ENOX2: variants seen among roughly 807,000 people sequenced by gnomAD.
ENOX2 encodes APK1 antigen.
ENOX2 carries 36 observed loss-of-function variants against 45.0 expected under a neutral mutation model. That is an observed-to-expected ratio of 0.80 (90% CI 0.61 to 1.06). ENOX2 has a LOEUF of 1.06. Ranked by LOEUF, ENOX2 falls within the 50% of genes least tolerant of loss-of-function variation. The pLI is 0.00. For missense variants in ENOX2, 423 were observed against 462.5 expected (o/e 0.91, Z 0.78); for synonymous variants, 174 against 152.3 (o/e 1.14, Z -1.05).
chrX:130,787,113 A>G (rs989097535), intron 2 of ENOX2, among the ~76,000 whole-genome samples: 2 of 106,538 alleles, frequency 1.9e-5, no homozygotes, highest in African/African-American at 3.4e-5. Flanking sequence ...GTGTGAGATG[A>G]TATCTCATAG....
chrX:130,779,437 GT>G (rs760349699), intron 3 of ENOX2, among the ~76,000 whole-genome samples: 2 of 111,584 alleles, frequency 1.8e-5, no homozygotes, highest in East Asian at 5.6e-4. Context: ...CTACCTATCA[GT>G]TTCCCTTGGG....
chrX:130,682,490 A>G (rs753984123), intron 5 of ENOX2, among the ~76,000 whole-genome samples: 2 of 104,255 alleles, frequency 1.9e-5, no homozygotes, highest in African/African-American at 7.0e-5. Flanking sequence ...AGGCTGAGGC[A>G]GAAGAATGGC....
rs187035497 is a variant in ENOX2, at chrX:130,859,360, A to T, written c.-183+42324T>A. ...AACAAAAACAAAACAAAACAAAACA[A>T]AAAAACAAAAAAAATCCTAAATGGG... On this transcript the variant is annotated intron_variant, in intron 2 of 14. Coordinates refer to ENST00000394363, the MANE Select transcript of ENOX2 (RefSeq NM_006375.4). Among the ~76,000 whole-genome samples, 55 of 112,410 alleles carry T rather than the reference A, an allele frequency of 4.9e-4. No individual in the cohort carries two copies. In the East Asian group the frequency reaches 0.015, roughly 30 times the overall value.
chrX:130,768,096 A>C (rs773677960), intron 3 of ENOX2, among the ~76,000 whole-genome samples: 2 of 112,004 alleles, frequency 1.8e-5, no homozygotes, highest in East Asian at 5.6e-4. Flanking sequence ...CAGGCAGGTC[A>C]TAACAGGCAG....
intron 2 of ENOX2, among the ~76,000 whole-genome samples, chrX:130,871,396 C>T (rs1382541800): frequency 9.0e-6 from 1 of 111,325 alleles, no homozygotes; most frequent in Non-Finnish European, 1.9e-5. Context: ...ATATAAATCA[C>T]TAGTCTTCTA....
At chrX:130,629,262 G>A (rs770305515) in intron 13 of ENOX2, among the ~76,000 whole-genome samples, 3 of 112,670 alleles carry the variant, frequency 2.7e-5, no homozygotes, top group African/African-American at 9.7e-5. Flanking sequence ...GACATTCCAT[G>A]TTTGAAGAAA....
At chrX:130,864,757 T>A (rs961784296) in intron 2 of ENOX2, among the ~76,000 whole-genome samples, 2 of 112,293 alleles carry the variant, frequency 1.8e-5, no homozygotes, top group African/African-American at 6.5e-5. Context: ...CTCACACTTG[T>A]AATCCCAGCA....
At position 130,637,424 on chromosome X, in the gene ENOX2, T is replaced by C. The variant is rs750780188; in HGVS notation, c.1130-14A>G. On this transcript the variant is annotated splice_polypyrimidine_tract_variant and intron_variant, in intron 10 of 14. Transcript: ENST00000394363. ...GTGATACTAAGGCTAACAATCAATA[T>C]AAAATATGAAACCATATATCCAGAT... 14 of 1,182,677 alleles carry C rather than the reference T, an allele frequency of 1.2e-5. No individual in the cohort carries two copies. In the South Asian group the frequency reaches 1.5e-4, roughly 12 times the overall value.
chrX:130,695,121 TAGAG>T (rs2037722083), intron 4 of ENOX2, among the ~76,000 whole-genome samples: 2 of 111,933 alleles, frequency 1.8e-5, no homozygotes, highest in South Asian at 3.8e-4. Context: ...CACAGTTTCA[TAGAG>T]AAAGACAGAT....
In ENOX2 at chrX:130,851,969, T is replaced by C. The variant is rs183366268; in HGVS notation, c.-183+49715A>G. On this transcript the variant is annotated intron_variant, in intron 2 of 14. Transcript: ENST00000394363. ...TATCATCTAAGCAAAATGTGGAAATTTCTAGTCAAGACTTTTCCAATTTTC... is the reference window on the plus strand; with the variant it reads ...TATCATCTAAGCAAAATGTGGAAATCTCTAGTCAAGACTTTTCCAATTTTC... 4.5e-5 allele frequency among the ~76,000 whole-genome samples: 5 copies of C among 112,022 alleles called. No homozygotes were observed. In the Admixed American group the frequency reaches 4.7e-4, roughly 11 times the overall value.
chrX:130,707,779 T>G (rs1239683027), intron 3 of ENOX2, among the ~76,000 whole-genome samples: 2 of 112,252 alleles, frequency 1.8e-5, no homozygotes, highest in African/African-American at 6.5e-5. Context: ...GAAAGCCTGT[T>G]AACCACAGGA....
At position 130,647,900 on chromosome X, in the gene ENOX2, G is replaced by C. The variant is rs550858278; in HGVS notation, c.1129+8681C>G. Among the ~76,000 whole-genome samples the C allele has an allele frequency of 3.6e-5, 4 of 111,181 alleles. 1 individual carries two copies. The South Asian group carries it at 1.5e-3, about 42-fold the overall frequency. ...TGCCTCCCTTAAATAAGTTTTCTTA[G>C]ATGGTAAGTTGTCAGGCAATTTTAA... On this transcript the variant is annotated intron_variant, in intron 10 of 14. Coordinates refer to ENST00000394363, the MANE Select transcript of ENOX2 (RefSeq NM_006375.4).
At chrX:130,664,391 TGAG>T (rs1488866590) in intron 9 of ENOX2, among the ~76,000 whole-genome samples, 1 of 112,469 alleles carries the variant, frequency 8.9e-6, no homozygotes, top group African/African-American at 3.2e-5. Flanking sequence ...GAGCTCACAG[TGAG>T]GAGAATAATT....
At chrX:130,676,233 C>T (rs2037145922) in intron 6 of ENOX2, among the ~76,000 whole-genome samples, 1 of 111,668 alleles carries the variant, frequency 9.0e-6, no homozygotes, top group African/African-American at 3.3e-5. Context: ...GTGCACTGTG[C>T]ACAGTGCCAG....
At chrX:130,881,785 GA>G (rs1213153973) in intron 2 of ENOX2, among the ~76,000 whole-genome samples, 9 of 110,252 alleles carry the variant, frequency 8.2e-5, no homozygotes, top group Non-Finnish European at 1.5e-4. Flanking sequence ...CTTGCACTAG[GA>G]AAAAAAAACT....
chrX:130,824,990 C>T lies in ENOX2; in HGVS notation c.-182-41300G>A, dbSNP rs1209014140. On this transcript the variant is annotated intron_variant, in intron 2 of 14. Transcript: ENST00000394363. ...AGTAAAGTTGAAGATGCATACCTTCCGCAACCCAGCAACACCACTTTAAGG... is the reference window on the plus strand; with the variant it reads ...AGTAAAGTTGAAGATGCATACCTTCTGCAACCCAGCAACACCACTTTAAGG... Among the ~76,000 whole-genome samples, 5 of 110,729 alleles carry T rather than the reference C, an allele frequency of 4.5e-5. No homozygotes were observed. In the South Asian group the frequency reaches 1.2e-3, roughly 26 times the overall value.
chrX:130,737,192 T>C (rs2038879800), intron 3 of ENOX2, among the ~76,000 whole-genome samples: 1 of 111,500 alleles, frequency 9.0e-6, no homozygotes, highest in Admixed American at 9.5e-5. Context: ...CATACGTAGC[T>C]GAGGCAAAAT....
intron 5 of ENOX2, among the ~76,000 whole-genome samples, chrX:130,682,021 C>CA (rs1030474497): frequency 9.3e-6 from 1 of 107,569 alleles, no homozygotes; most frequent in African/African-American, 3.4e-5. Flanking sequence ...CACAACCCCC[C>CA]CCCCCACCGA....
At chrX:130,856,434 T>A (rs1312829138) in intron 2 of ENOX2, among the ~76,000 whole-genome samples, 2 of 111,426 alleles carry the variant, frequency 1.8e-5, no homozygotes, top group Non-Finnish European at 3.8e-5. Context: ...GTCCAACATA[T>A]GGTGTTATTT....
Sources: gnomAD v4.1 joint callset for allele counts (sites outside exome capture counted in the v4.1 genomes callset) on GRCh38, gnomAD v4.1.1 for gene constraint, MANE v1.5 for transcripts, NCBI Gene and HGNC (gene_info 2026-07-23, HGNC 2026-07-21) for gene names.